Variants in KCNIP4 observed in about 807,000 individuals in gnomAD.
The protein encoded by KCNIP4 is Kv channel-interacting protein 4.
KCNIP4 carries 12 observed loss-of-function variants against 34.0 expected under a neutral mutation model. The observed-to-expected ratio is 0.35, with a 90% CI of 0.23 to 0.57. The LOEUF (loss-of-function observed/expected upper bound fraction) is 0.57, where lower values mean the gene tolerates loss of function less well. Among genes scored for constraint, KCNIP4 ranks in the 20% least tolerant of loss-of-function variants. The probability of loss-of-function intolerance (pLI) is 0.83; values close to 1 mark genes in which losing one functional copy is unlikely to be tolerated. For missense variants in KCNIP4, 238 were observed against 311.7 expected, an observed-to-expected ratio of 0.76 and a Z score of 1.78; for synonymous variants, 124 against 102.2, an observed-to-expected ratio of 1.21 and a Z score of -1.29.
intron 1 of KCNIP4, among the ~76,000 whole-genome samples, chr4:21,602,675 T>C (rs2109124064): frequency 6.6e-6 from 1 of 152,352 alleles, no homozygotes; most frequent in East Asian, 1.9e-4. Flanking sequence ...TGGTCATTTA[T>C]GGCTAATGCA....
intron 1 of KCNIP4, among the ~76,000 whole-genome samples, chr4:21,378,538 A>G (rs1420700426): frequency 6.6e-6 from 1 of 152,120 alleles, no homozygotes; most frequent in Non-Finnish European, 1.5e-5. Context: ...GTGATTTCCT[A>G]TCTTTGTTCT....
At chr4:21,608,644 T>G (rs1743909507) in intron 1 of KCNIP4, among the ~76,000 whole-genome samples, 1 of 152,166 alleles carries the variant, frequency 6.6e-6, no homozygotes, top group African/African-American at 2.4e-5. Context: ...TGCCAGGTCT[T>G]TTTTTGCCAT....
At chr4:20,852,526 G>A (rs1325847338) in intron 2 of KCNIP4, among the ~76,000 whole-genome samples, 2 of 152,126 alleles carry the variant, frequency 1.3e-5, no homozygotes, top group Admixed American at 6.6e-5. Flanking sequence ...ATAATATTGA[G>A]TGGGGAAAAG....
At chr4:20,960,220 G>A (rs963882052) in intron 1 of KCNIP4, among the ~76,000 whole-genome samples, 2 of 152,084 alleles carry the variant, frequency 1.3e-5, no homozygotes, top group Admixed American at 6.6e-5. Flanking sequence ...TCTTCAATAA[G>A]CCTCCCCTTA....
At chr4:21,139,609 C>T (rs1751782003) in intron 1 of KCNIP4, among the ~76,000 whole-genome samples, 1 of 152,174 alleles carries the variant, frequency 6.6e-6, no homozygotes, top group African/African-American at 2.4e-5. Flanking sequence ...ACATGACTTT[C>T]CATCTCGACT....
At chr4:21,014,134 A>C (rs1245419298) in intron 1 of KCNIP4, among the ~76,000 whole-genome samples, 1 of 152,204 alleles carries the variant, frequency 6.6e-6, no homozygotes, top group Non-Finnish European at 1.5e-5. Flanking sequence ...GATCTTTAAA[A>C]TCATATAATT....
intron 1 of KCNIP4, among the ~76,000 whole-genome samples, chr4:21,423,830 C>T (rs1301318178): frequency 4.8e-5 from 7 of 145,596 alleles, no homozygotes; most frequent in Middle Eastern, 3.8e-3. Flanking sequence ...TTTTTTGAGA[C>T]GGAGTCTCGC....
At chr4:21,511,202 G>T (rs754541664) in intron 1 of KCNIP4, among the ~76,000 whole-genome samples, 8 of 151,938 alleles carry the variant, frequency 5.3e-5, no homozygotes, top group Non-Finnish European at 1.0e-4. Flanking sequence ...TGAAATAAAG[G>T]TATTTCTAGA....
chr4:20,989,752 T>G (rs550142947), intron 1 of KCNIP4, among the ~76,000 whole-genome samples: 1 of 152,100 alleles, frequency 6.6e-6, no homozygotes, highest in South Asian at 2.1e-4. Context: ...GTAGATCGCT[T>G]GAGTTCACAA....
chr4:21,869,407 C>T (rs970648130), intron 1 of KCNIP4, among the ~76,000 whole-genome samples: 4 of 152,082 alleles, frequency 2.6e-5, no homozygotes, highest in East Asian at 1.9e-4. Flanking sequence ...ATCTAAATTG[C>T]ATTATTTGAC....
chr4:21,294,362 C>A (rs1218690628), intron 1 of KCNIP4, among the ~76,000 whole-genome samples: 1 of 152,098 alleles, frequency 6.6e-6, no homozygotes, highest in Non-Finnish European at 1.5e-5. Context: ...AGCCTGGTTC[C>A]CAGCCTCACT....
intron 1 of KCNIP4, among the ~76,000 whole-genome samples, chr4:21,870,647 C>T (rs1239346973): frequency 1.3e-5 from 2 of 152,188 alleles, no homozygotes; most frequent in African/African-American, 2.4e-5. Flanking sequence ...CAGCTTGCTT[C>T]GCCTCTCAGA....
At chr4:21,177,293 T>C (rs942751558) in intron 1 of KCNIP4, among the ~76,000 whole-genome samples, 2 of 152,204 alleles carry the variant, frequency 1.3e-5, no homozygotes, top group Non-Finnish European at 2.9e-5. Flanking sequence ...ATTGCTGATT[T>C]AGCTTTTTGG....
chr4:20,916,197 T>C (rs922261104), intron 1 of KCNIP4: 1 of 376,700 alleles, frequency 2.7e-6, no homozygotes. Flanking sequence ...ATCTCCTCTC[T>C]TATAAAATGA....
intron 1 of KCNIP4, among the ~76,000 whole-genome samples, chr4:21,617,523 A>G (rs34488331): frequency 0.18 from 27,136 of 152,082 alleles, 2,566 homozygotes; most frequent in South Asian, 0.26. Flanking sequence ...CCTTTGTGTA[A>G]TTTTAAGTAA....
intron 1 of KCNIP4, among the ~76,000 whole-genome samples, chr4:21,841,223 G>A (rs575737448): frequency 6.2e-4 from 94 of 152,076 alleles, no homozygotes; most frequent in Non-Finnish European, 1.0e-3. Context: ...CATTCTTAAC[G>A]TCAAAACATT....
intron 1 of KCNIP4, among the ~76,000 whole-genome samples, chr4:21,636,784 A>G (rs985428910): frequency 2.0e-5 from 3 of 152,218 alleles, no homozygotes; most frequent in African/African-American, 7.2e-5. Flanking sequence ...AACAGAAACC[A>G]TTCTACATGA....
At chr4:21,174,737 T>C (rs978637373) in intron 1 of KCNIP4, among the ~76,000 whole-genome samples, 2 of 151,326 alleles carry the variant, frequency 1.3e-5, no homozygotes, top group African/African-American at 4.9e-5. Context: ...AAACCTCATT[T>C]CTACTAAAAA....
chr4:21,264,606 A>G (rs1761681429), intron 1 of KCNIP4, among the ~76,000 whole-genome samples: 1 of 152,238 alleles, frequency 6.6e-6, no homozygotes, highest in Non-Finnish European at 1.5e-5. Context: ...CCTAAAGATT[A>G]AATGACTTAA....
Sources: allele counts gnomAD v4.1 joint callset (sites outside exome capture counted in the v4.1 genomes callset), GRCh38; gene constraint gnomAD v4.1.1; transcripts MANE v1.5; gene names NCBI Gene and HGNC (gene_info 2026-07-23, HGNC 2026-07-21).